The following CCDC134 variants were observed in gnomAD, a reference collection of about 807,000 sequenced individuals.
CCDC134 encodes coiled-coil domain-containing protein 134.
Under a neutral mutation model 25.6 loss-of-function variants are expected in CCDC134, and 27 were observed. The ratio of observed to expected loss-of-function variants is 1.05; its 90% CI spans 0.78 to 1.45. The LOEUF is 1.45. CCDC134 is among the 40% of genes most tolerant of loss of function. The pLI is 0.00. For missense variants in CCDC134, 261 were observed against 286.7 expected, an observed-to-expected ratio of 0.91 and a Z score of 0.65; for synonymous variants, 110 against 115.0, an observed-to-expected ratio of 0.96 and a Z score of 0.28.
chr22:41,826,059 A>T lies in CCDC134; in HGVS notation c.*236A>T, dbSNP rs2076676654. On this transcript the variant is annotated 3_prime_UTR_variant, in exon 7 of 7. Coordinates refer to ENST00000255784, the MANE Select transcript of CCDC134 (RefSeq NM_024821.5). ...GGCCTTCAGAGGATTTTATGCTGGAAATATGACCCTGTGCAGACTGCTGGG... is the reference window on the plus strand; with the variant it reads ...GGCCTTCAGAGGATTTTATGCTGGATATATGACCCTGTGCAGACTGCTGGG... 8.4e-6 allele frequency: 4 copies of T among 478,886 alleles called. No individual in the cohort carries two copies. The highest frequency in any genetic ancestry group is 1.2e-3 in the Middle Eastern group (2 of 1,628). 29.7% of individuals were successfully genotyped at this position (478,886 alleles called of 1,614,324 possible). A position where few individuals can be genotyped will look rare whatever the true frequency, so the allele number is the denominator to read the frequency against.
At chr22:41,824,923 T>G (rs2148321699) in intron 6 of CCDC134, among the ~76,000 whole-genome samples, 1 of 150,932 alleles carries the variant, frequency 6.6e-6, no homozygotes, top group South Asian at 2.1e-4. Context: ...AGTGGATGGG[T>G]TTGAGAGAGA....
At chr22:41,823,880 T>C (rs1027905596) in intron 6 of CCDC134, among the ~76,000 whole-genome samples, 2 of 152,236 alleles carry the variant, frequency 1.3e-5, no homozygotes, top group Non-Finnish European at 2.9e-5. Context: ...ACACAGACAG[T>C]GGCCCTGGCC....
At position 41,825,785 on chromosome 22, in the gene CCDC134, A is replaced by C; in HGVS notation, c.652A>C (p.Lys218Gln). 16 of 1,614,198 alleles carry C rather than the reference A, an allele frequency of 9.9e-6. No individual in the cohort carries two copies. The highest frequency in any genetic ancestry group is 1.3e-5 in the Non-Finnish European group (15 of 1,180,010). Residue 218 changes from lysine (K) to glutamine (Q), a missense_variant, in exon 7 of 7, where the codon AAA (lysine) becomes CAA (glutamine). Transcript: ENST00000255784. This position sits in a 1 kb window ranked among gnomAD's most constrained non-coding sequence, Gnocchi z 4.4. ...KKEEKRKEIR[K>Q]GPRISRSQSE... ...AGAGGAGAAGCGGAAGGAGATCCGA[A>C]AAGGCCCAAGGATCTCCAGATCCCA...
chr22:41,825,927 A>G lies in CCDC134; in HGVS notation c.*104A>G. Reference sequence around the variant, plus strand: ...GAGAGCACCAGCTAGCCCCTTCCAGAAGGGGAGGCCACATTTGCCCGGCCC... The same window carrying G: ...GAGAGCACCAGCTAGCCCCTTCCAGGAGGGGAGGCCACATTTGCCCGGCCC... On this transcript the variant is annotated 3_prime_UTR_variant, in exon 7 of 7. Transcript: ENST00000255784. This position sits in a 1 kb window ranked among gnomAD's most constrained non-coding sequence, Gnocchi z 4.4. The G allele has an allele frequency of 6.7e-7, 1 of 1,498,484 alleles. No homozygotes were observed. Among genetic ancestry groups the G allele is most frequent in the Non-Finnish European group, 9.0e-7 (1 of 1,106,212 alleles). 92.8% of individuals were successfully genotyped at this position (1,498,484 alleles called of 1,614,324 possible).
chr22:41,815,782 C>T (rs532636577), intron 6 of CCDC134, among the ~76,000 whole-genome samples: 19 of 152,124 alleles, frequency 1.2e-4, no homozygotes, highest in East Asian at 1.9e-4. Context: ...GTAGCTGGGA[C>T]GACAGGCCTG....
At chr22:41,819,998 T>TAA (rs1556020966) in intron 6 of CCDC134, among the ~76,000 whole-genome samples, 19 of 130,062 alleles carry the variant, frequency 1.5e-4, no homozygotes, top group African/African-American at 4.6e-4. Flanking sequence ...TATATATATA[T>TAA]AATTTTTTTT....
In CCDC134 at chr22:41,816,559, G is replaced by A. The variant is rs548387920; in HGVS notation, c.564+2737G>A. ...GGCAGACCCTAGGATTGTTTTGCCA[G>A]GTGGCAGTGATGGATCTAAGGGATA... On this transcript the variant is annotated intron_variant, in intron 6 of 6. Transcript: ENST00000255784. Among the ~76,000 whole-genome samples the A allele has an allele frequency of 1.2e-4, 19 of 152,350 alleles. No homozygotes were observed. The South Asian group carries it at 3.9e-3, about 32-fold the overall frequency.
intron 1 of CCDC134, among the ~76,000 whole-genome samples, chr22:41,807,888 G>A (rs937417497): frequency 5.3e-5 from 8 of 152,038 alleles, no homozygotes; most frequent in South Asian, 2.1e-4. Context: ...AGGGCCGGGC[G>A]CGGTGGCTCA....
chr22:41,818,815 A>C (rs2076634826), intron 6 of CCDC134, among the ~76,000 whole-genome samples: 1 of 152,226 alleles, frequency 6.6e-6, no homozygotes, highest in South Asian at 2.1e-4. Flanking sequence ...GCAAGAAAAC[A>C]TGTGTGGACA....
intron 4 of CCDC134, 141 bp downstream of exon 4, chr22:41,810,432 T>C: frequency 1.6e-6 from 1 of 632,056 alleles, no homozygotes; most frequent in Admixed American, 2.9e-5. Flanking sequence ...CTTGGGCAGA[T>C]GGGCGTTTCG....
In CCDC134 at chr22:41,828,610, T is replaced by G. The variant is rs953853040; in HGVS notation, c.*2787T>G. Reference sequence around the variant, plus strand: ...CCCTCCCTTTACTGCCACTATTGATTGTTATAGTCACTTGCTCCAGGAAGT... The same window carrying G: ...CCCTCCCTTTACTGCCACTATTGATGGTTATAGTCACTTGCTCCAGGAAGT... On this transcript the variant is annotated 3_prime_UTR_variant, in exon 7 of 7. Transcript: ENST00000255784. Among the ~76,000 whole-genome samples, 4 of 152,304 alleles carry G rather than the reference T, an allele frequency of 2.6e-5. No homozygotes were observed. Among genetic ancestry groups the G allele is most frequent in the Admixed American group, 2.6e-4 (4 of 15,300 alleles).
intron 4 of CCDC134, among the ~76,000 whole-genome samples, chr22:41,812,197 G>T (rs6002502): frequency 6.6e-5 from 10 of 152,044 alleles, no homozygotes; most frequent in Non-Finnish European, 1.3e-4. Context: ...CGAGGCAGGC[G>T]GATTACTTGA....
chr22:41,806,662 G>A (rs1199554213), intron 1 of CCDC134, among the ~76,000 whole-genome samples: 1 of 152,132 alleles, frequency 6.6e-6, no homozygotes, highest in Non-Finnish European at 1.5e-5. Flanking sequence ...CATAGCTCAG[G>A]TTTTATGAAA....
Position 41,829,137 on chromosome 22 carries a change from G to A in CCDC134, c.*3314G>A, listed in dbSNP as rs1242761930. ...ACAACCAAAAATGTGTCCAGACATT[G>A]CCAGATGTCCACTGGGAGGGAAAAC... On this transcript the variant is annotated 3_prime_UTR_variant, in exon 7 of 7. Coordinates refer to ENST00000255784, the MANE Select transcript of CCDC134 (RefSeq NM_024821.5). Among the ~76,000 whole-genome samples the A allele has an allele frequency of 2.6e-5, 4 of 152,168 alleles. No homozygotes were observed. In the East Asian group the frequency reaches 5.8e-4, roughly 22 times the overall value.
chr22:41,806,857 G>A (rs994663691), intron 1 of CCDC134, among the ~76,000 whole-genome samples: 1 of 152,048 alleles, frequency 6.6e-6, no homozygotes, highest in Non-Finnish European at 1.5e-5. Context: ...GACCAGCCTG[G>A]CCAACATGGC....
chr22:41,817,611 A>T (rs1276592898), intron 6 of CCDC134, among the ~76,000 whole-genome samples: 1 of 152,084 alleles, frequency 6.6e-6, no homozygotes, highest in Non-Finnish European at 1.5e-5. Context: ...GCATGCCTGT[A>T]GTCCCAGCTA....
intron 6 of CCDC134, among the ~76,000 whole-genome samples, chr22:41,814,391 C>T (rs2076612696): frequency 6.6e-6 from 1 of 152,102 alleles, no homozygotes; most frequent in African/African-American, 2.4e-5. Context: ...TATGGTGAAA[C>T]TCTGTCTTTA....
At chr22:41,815,857 C>T (rs1459404940) in intron 6 of CCDC134, among the ~76,000 whole-genome samples, 1 of 151,968 alleles carries the variant, frequency 6.6e-6, no homozygotes, top group Non-Finnish European at 1.5e-5. Flanking sequence ...GCTGTGCTGC[C>T]TAGGGTGATC....
At chr22:41,806,963 G>A (rs980362538) in intron 1 of CCDC134, among the ~76,000 whole-genome samples, 3 of 152,050 alleles carry the variant, frequency 2.0e-5, no homozygotes, top group African/African-American at 7.2e-5. Context: ...AGGGAGAATC[G>A]CTTGAACCCA....
Sources: gnomAD v4.1 joint callset for allele counts (sites outside exome capture counted in the v4.1 genomes callset) on GRCh38, gnomAD v4.1.1 for gene constraint, Gnocchi (gnomAD v3.1) non-coding constraint, MANE v1.5 for transcripts, NCBI Gene and HGNC (gene_info 2026-07-23, HGNC 2026-07-21) for gene names.